The following CCSER1 variants were observed in gnomAD, a reference collection of about 807,000 sequenced individuals.
CCSER1 encodes serine-rich coiled-coil domain-containing protein 1.
A neutral mutation model predicts 82.0 loss-of-function variants in CCSER1; 41 were observed. That is an observed-to-expected ratio of 0.50 (90% CI 0.39 to 0.65). CCSER1 has a LOEUF of 0.65. Ranked by LOEUF, CCSER1 falls within the 30% of genes least tolerant of loss-of-function variation. The probability of loss-of-function intolerance (pLI) is 0.00; values close to 1 mark genes in which losing one functional copy is unlikely to be tolerated. For missense variants in CCSER1, 1,119 were observed against 1,064.2 expected (o/e 1.05, Z -0.72); for synonymous variants, 414 against 383.9 (o/e 1.08, Z -0.92).
At chr4:91,336,323 T>G (rs1179573277) in intron 10 of CCSER1, among the ~76,000 whole-genome samples, 4 of 152,120 alleles carry the variant, frequency 2.6e-5, no homozygotes, top group Non-Finnish European at 5.9e-5. Context: ...TTGTCAGAAT[T>G]TTATGAGCTT....
chr4:90,930,090 T>C (rs1019178554), intron 9 of CCSER1, among the ~76,000 whole-genome samples: 1 of 152,140 alleles, frequency 6.6e-6, no homozygotes, highest in Non-Finnish European at 1.5e-5. Context: ...ATAATAGATA[T>C]CATATTTGCT....
chr4:90,463,129 T>C (rs571155397), intron 4 of CCSER1, among the ~76,000 whole-genome samples: 7 of 152,210 alleles, frequency 4.6e-5, no homozygotes, highest in Non-Finnish European at 8.8e-5. Context: ...CAAGATGATA[T>C]TAGCTTTAAA....
chr4:91,035,256 T>C (rs1403673185), intron 9 of CCSER1, among the ~76,000 whole-genome samples: 2 of 152,124 alleles, frequency 1.3e-5, no homozygotes, highest in African/African-American at 2.4e-5. Flanking sequence ...TTATTTCAGA[T>C]CTAGGATCCC....
chr4:90,469,124 C>T (rs924252348), intron 5 of CCSER1, among the ~76,000 whole-genome samples: 7 of 152,036 alleles, frequency 4.6e-5, no homozygotes, highest in Admixed American at 1.3e-4. Context: ...GGCTGACCAC[C>T]GTAGGAGTAA....
chr4:91,329,626 G>A (rs1181528069), intron 10 of CCSER1, among the ~76,000 whole-genome samples: 1 of 152,162 alleles, frequency 6.6e-6, no homozygotes, highest in Non-Finnish European at 1.5e-5. Flanking sequence ...CTTCCTGGTT[G>A]ACAGATGGCT....
chr4:90,867,913 A>G (rs1312853574), intron 8 of CCSER1, among the ~76,000 whole-genome samples: 2 of 152,036 alleles, frequency 1.3e-5, no homozygotes, highest in Non-Finnish European at 2.9e-5. Flanking sequence ...CTCATTGTGT[A>G]TATGCATAAC....
chr4:91,017,045 T>C (rs2150516439), intron 9 of CCSER1: 1 of 152,202 alleles, frequency 6.6e-6, no homozygotes, highest in South Asian at 2.1e-4. Context: ...AGACTTAATA[T>C]TGGAGTAATA....
chr4:90,631,710 G>A (rs558620435), intron 6 of CCSER1, among the ~76,000 whole-genome samples: 2 of 152,170 alleles, frequency 1.3e-5, no homozygotes, highest in South Asian at 2.1e-4. Context: ...TAAATATACA[G>A]GTCGAGCATC....
At chr4:91,536,529 C>A (rs962766155) in intron 10 of CCSER1, among the ~76,000 whole-genome samples, 3 of 152,046 alleles carry the variant, frequency 2.0e-5, no homozygotes, top group Non-Finnish European at 4.4e-5. Context: ...CCTTCCCCTC[C>A]AACTTCTAAT....
chr4:90,995,199 A>G (rs895552535), intron 9 of CCSER1, among the ~76,000 whole-genome samples: 19 of 152,182 alleles, frequency 1.2e-4, no homozygotes, highest in African/African-American at 4.6e-4. Flanking sequence ...GTTGGTTGGA[A>G]AATCAAGGTT....
intron 10 of CCSER1, among the ~76,000 whole-genome samples, chr4:91,348,105 TGTAA>T (rs1349258910): frequency 2.6e-5 from 4 of 152,146 alleles, no homozygotes; most frequent in South Asian, 2.1e-4. Flanking sequence ...TGATGTTAGC[TGTAA>T]GTGTTTATAG....
chr4:90,284,504 T>C (rs1266013686), intron 1 of CCSER1, among the ~76,000 whole-genome samples: 5 of 151,908 alleles, frequency 3.3e-5, no homozygotes, highest in Admixed American at 3.3e-4. Flanking sequence ...ATTTTTTTTT[T>C]TTTTTTTGAG....
intron 10 of CCSER1, among the ~76,000 whole-genome samples, chr4:91,439,507 G>A (rs1368596848): frequency 6.6e-6 from 1 of 151,878 alleles, no homozygotes; most frequent in African/African-American, 2.4e-5. Context: ...GGAACAACCA[G>A]TACCAGCCAC....
chr4:90,293,806 A>T (rs1731360883), intron 1 of CCSER1, among the ~76,000 whole-genome samples: 1 of 151,934 alleles, frequency 6.6e-6, no homozygotes, highest in Non-Finnish European at 1.5e-5. Flanking sequence ...GTAAAATATA[A>T]ACTGACAAAC....
intron 10 of CCSER1, among the ~76,000 whole-genome samples, chr4:91,220,302 C>G (rs1278237445): frequency 6.6e-6 from 1 of 152,138 alleles, no homozygotes; most frequent in Non-Finnish European, 1.5e-5. Context: ...GAAATGTATG[C>G]TCGTTTCTTG....
At chr4:90,161,340 A>G (rs752691467) in intron 1 of CCSER1, among the ~76,000 whole-genome samples, 12 of 152,178 alleles carry the variant, frequency 7.9e-5, no homozygotes, top group Admixed American at 3.9e-4. Flanking sequence ...AATGTCTTAC[A>G]CATAATCACT....
At chr4:91,019,936 A>C (rs910387043) in intron 9 of CCSER1, among the ~76,000 whole-genome samples, 3 of 152,214 alleles carry the variant, frequency 2.0e-5, no homozygotes, top group Non-Finnish European at 4.4e-5. Context: ...ATATTAATTT[A>C]ATAGCCATTA....
At chr4:90,407,745 A>T (rs1355729387) in intron 4 of CCSER1, among the ~76,000 whole-genome samples, 1 of 151,976 alleles carries the variant, frequency 6.6e-6, no homozygotes, top group Admixed American at 6.6e-5. Flanking sequence ...TTTCCAACTG[A>T]GGTACTGGGT....
chr4:90,887,706 AC>A (rs1722343066), intron 8 of CCSER1, among the ~76,000 whole-genome samples: 1 of 152,116 alleles, frequency 6.6e-6, no homozygotes, highest in Admixed American at 6.5e-5. Context: ...ACATGGTGTA[AC>A]CCTGTCTTTA....
Sources: gnomAD v4.1 joint callset for allele counts (sites outside exome capture counted in the v4.1 genomes callset) on GRCh38, gnomAD v4.1.1 for gene constraint, MANE v1.5 for transcripts, NCBI Gene and HGNC (gene_info 2026-07-23, HGNC 2026-07-21) for gene names.